The following RNF175 variants were observed in gnomAD, a reference collection of about 807,000 sequenced individuals.
RNF175 encodes the protein ring finger protein 175.
A neutral mutation model predicts 50.0 loss-of-function variants in RNF175; 38 were observed. The observed-to-expected ratio is 0.76, with a 90% CI of 0.59 to 1.00. The LOEUF is 1.00. RNF175 is among the 50% of genes least tolerant of loss of function. RNF175 has a pLI of 0.00. For missense variants in RNF175, 388 were observed against 409.6 expected (o/e 0.95, Z 0.46); for synonymous variants, 155 against 146.1 (o/e 1.06, Z -0.44).
Position 153,751,450 on chromosome 4 carries a change from T to C in RNF175, c.92A>G (p.Glu31Gly). The C allele has an allele frequency of 6.4e-7, 1 of 1,557,082 alleles. No homozygotes were observed. Among genetic ancestry groups the C allele is most frequent in the Non-Finnish European group, 8.7e-7 (1 of 1,149,652 alleles). The change falls in exon 2 of 9, where the codon GAA becomes GGA. Residue 31 changes from glutamate to glycine, a missense_variant. Physicochemically the swap from Glu to Gly is moderately conservative, Grantham distance 98. Coordinates refer to ENST00000347063, the MANE Select transcript of RNF175 (RefSeq NM_173662.4). ...EQLSHTKLSA[E>G]DTWNLQQERM... ...ACTAATTACTTACTTCCATGTGTCT[T>C]CTGCAGAAAGCTTTGTATGAGAGAG...
intron 7 of RNF175, 124 bp downstream of exon 7, chr4:153,715,405 A>G: frequency 1.1e-6 from 1 of 895,284 alleles, no homozygotes; most frequent in African/African-American, 1.7e-5. Context: ...CTGGAGGATA[A>G]AGGACTGGGG....
chr4:153,748,864 CA>C (rs780562258), intron 2 of RNF175, 78 bp from the exon 3 acceptor site: 14 of 1,385,386 alleles, frequency 1.0e-5, no homozygotes, highest in South Asian at 4.3e-5. Context: ...AAACAAAAAA[CA>C]AAAAAACAAA....
At chr4:153,729,481 G>C (rs921114841) in intron 3 of RNF175, among the ~76,000 whole-genome samples, 1 of 152,150 alleles carries the variant, frequency 6.6e-6, no homozygotes, top group African/African-American at 2.4e-5. Context: ...CTCAATCTTT[G>C]CAATAGAAAA....
At chr4:153,737,505 GCATTTT>G (rs973513515) in intron 3 of RNF175, among the ~76,000 whole-genome samples, 10 of 151,888 alleles carry the variant, frequency 6.6e-5, no homozygotes, top group Non-Finnish European at 1.2e-4. Flanking sequence ...TTGATAAGTT[GCATTTT>G]CATTTTCATT....
chr4:153,749,625 G>C (rs776462196), intron 2 of RNF175, among the ~76,000 whole-genome samples: 3 of 152,196 alleles, frequency 2.0e-5, no homozygotes, highest in Non-Finnish European at 4.4e-5. Context: ...CAACAAAATA[G>C]TTTGTCATCT....
chr4:153,738,131 C>A (rs934738357), intron 3 of RNF175, among the ~76,000 whole-genome samples: 1 of 152,140 alleles, frequency 6.6e-6, no homozygotes, highest in Non-Finnish European at 1.5e-5. Context: ...CTCATTGCAG[C>A]ATTGACCTCC....
rs150732519 is a variant in RNF175 at position 153,716,128 on chromosome 4, C to T, written c.631-466G>A. Among the ~76,000 whole-genome samples, 48 of 151,466 alleles carry T rather than the reference C, an allele frequency of 3.2e-4. 2 individuals are homozygous for T. The East Asian group carries it at 8.2e-3, about 26-fold the overall frequency. ...TAAGATAGTTTAGAATGTGAGACAC[C>T]GTTTCCTGTAAGAAGAATGCTACAG... is the stretch of plus-strand genomic sequence containing the variant. On this transcript the variant is annotated intron_variant, in intron 6 of 8. Coordinates refer to ENST00000347063, the MANE Select transcript of RNF175 (RefSeq NM_173662.4).
intron 3 of RNF175, among the ~76,000 whole-genome samples, chr4:153,740,270 T>A (rs956464578): frequency 6.6e-6 from 1 of 152,146 alleles, no homozygotes; most frequent in Admixed American, 6.5e-5. Flanking sequence ...ACTTTTTCCA[T>A]TAGAGATCTA....
chr4:153,734,665 C>CTTTTTTTTTTTTTTTT lies in RNF175; in HGVS notation c.247-6320_247-6305dup, dbSNP rs56211482. Among the ~76,000 whole-genome samples, 90 of 73,182 alleles carry CTTTTTTTTTTTTTTTT rather than the reference C, an allele frequency of 1.2e-3. 14 individuals are homozygous for CTTTTTTTTTTTTTTTT. The highest frequency in any genetic ancestry group is 6.1e-3 in the African/African-American group (73 of 12,006). The allele number at this position is 73,182 out of a possible 152,430, so 48.0% of individuals were successfully genotyped here. ...TCCAAGTCTGGCTTGTTTTTTTATTCTTTTTTTTTTTTTTTTTTTTTTTTT... is the reference window on the plus strand; with the variant it reads ...TCCAAGTCTGGCTTGTTTTTTTATTCTTTTTTTTTTTTTTTTTTTTTTTTTTTTTTTTTTTTTTTTT... On this transcript the variant is annotated intron_variant, in intron 3 of 8. Transcript: ENST00000347063.
At chr4:153,753,624 C>T (rs1740409478) in intron 1 of RNF175, among the ~76,000 whole-genome samples, 1 of 151,484 alleles carries the variant, frequency 6.6e-6, no homozygotes, top group Admixed American at 6.6e-5. Flanking sequence ...ATGGTGCGAT[C>T]TCAGCTCACT....
At chr4:153,748,866 A>G in intron 2 of RNF175, 80 bp from the exon 3 acceptor site, 2 of 1,359,272 alleles carry the variant, frequency 1.5e-6, no homozygotes, top group Middle Eastern at 4.8e-4. Context: ...ACAAAAAACA[A>G]AAAAACAAAA....
rs56211482 is a variant in RNF175, at chr4:153,734,665, CTTTTTTTTTT to C, written c.247-6314_247-6305del. On this transcript the variant is annotated intron_variant, in intron 3 of 8. Coordinates refer to ENST00000347063, the MANE Select transcript of RNF175 (RefSeq NM_173662.4). The stretch of plus-strand genomic sequence containing the variant: ...TCCAAGTCTGGCTTGTTTTTTTATT[CTTTTTTTTTT>C]TTTTTTTTTTTTTTTTTTGAGATGT... Among the ~76,000 whole-genome samples, 145 of 73,190 alleles carry C rather than the reference CTTTTTTTTTT, an allele frequency of 2.0e-3. 1 individual carries two copies. The highest frequency in any genetic ancestry group is 2.8e-3 in the East Asian group (6 of 2,162). 48.0% of individuals were successfully genotyped at this position (73,190 alleles called of 152,430 possible).
intron 3 of RNF175, among the ~76,000 whole-genome samples, chr4:153,741,222 T>A (rs1010631721): frequency 3.3e-5 from 5 of 152,222 alleles, no homozygotes; most frequent in African/African-American, 4.8e-5. Flanking sequence ...GTTGGGTTAT[T>A]TCTCTCCCCT....
intron 3 of RNF175, 62 bp from the exon 4 acceptor site, chr4:153,728,423 T>C (rs1738841544): frequency 1.4e-6 from 2 of 1,396,238 alleles, no homozygotes; most frequent in Admixed American, 3.4e-5. Context: ...GCATCTCCAC[T>C]ATTAAATGAG....
chr4:153,759,818 C>A lies in RNF175; in HGVS notation c.45G>T (p.Glu15Asp), dbSNP rs1482921957. ...TAARKAAPVL[E>D]APPQQEQLSH... ...GTACCTGCTCCTGCTGCGGGGGGGC[C>A]TCCAGCACCGGCGCTGCCTTCCGCG... Residue 15 changes from glutamate to aspartate, a missense_variant, in exon 1 of 9, where the codon GAG becomes GAT. Physicochemically the swap from Glu to Asp is conservative, Grantham distance 45 (BLOSUM62 2). Transcript: ENST00000347063. The A allele has an allele frequency of 6.6e-5, 97 of 1,474,228 alleles. No homozygotes were observed. Among genetic ancestry groups the A allele is most frequent in the Non-Finnish European group, 8.5e-5 (95 of 1,120,698 alleles). 91.3% of individuals were successfully genotyped at this position (1,474,228 alleles called of 1,614,324 possible).
intron 4 of RNF175, among the ~76,000 whole-genome samples, chr4:153,724,039 C>G (rs576431606): frequency 3.9e-5 from 6 of 152,292 alleles, no homozygotes; most frequent in Non-Finnish European, 7.3e-5. Flanking sequence ...GAGCCCCAGG[C>G]TATTTCCTTC....
At chr4:153,732,810 C>G (rs1739114484) in intron 3 of RNF175, among the ~76,000 whole-genome samples, 1 of 152,160 alleles carries the variant, frequency 6.6e-6, no homozygotes, top group African/African-American at 2.4e-5. Flanking sequence ...AATGATTTAA[C>G]TTTGAGGCTT....
At chr4:153,724,844 C>T (rs1358984046) in intron 4 of RNF175, among the ~76,000 whole-genome samples, 1 of 151,852 alleles carries the variant, frequency 6.6e-6, no homozygotes, top group African/African-American at 2.4e-5. Context: ...CAAGGGCTGT[C>T]TGTGCTGCCA....
At chr4:153,750,252 CCACAGGGTAA>C (rs1740211141) in intron 2 of RNF175, among the ~76,000 whole-genome samples, 1 of 152,180 alleles carries the variant, frequency 6.6e-6, no homozygotes, top group South Asian at 2.1e-4. Context: ...CCAGAAAACA[CCACAGGGTAA>C]CAGTCTGTGC....
Sources: gnomAD v4.1 joint callset for allele counts (sites outside exome capture counted in the v4.1 genomes callset) on GRCh38, gnomAD v4.1.1 for gene constraint, MANE v1.5 for transcripts, NCBI Gene and HGNC (gene_info 2026-07-23, HGNC 2026-07-21) for gene names.